PNKD: variants seen among roughly 807,000 people sequenced by gnomAD.
PNKD encodes probable thioesterase PNKD.
A neutral mutation model predicts 45.3 loss-of-function variants in PNKD; 36 were observed. That is an observed-to-expected ratio of 0.80 (90% confidence interval 0.61 to 1.05). The LOEUF (loss-of-function observed/expected upper bound fraction) is 1.05. PNKD is among the 50% of genes least tolerant of loss of function. The probability of loss-of-function intolerance (pLI) is 0.00; values close to 1 mark genes in which losing one functional copy is unlikely to be tolerated. For missense variants in PNKD, 511 were observed against 506.6 expected, an observed-to-expected ratio of 1.01 and a Z score of -0.08; for synonymous variants, 197 against 210.1, an observed-to-expected ratio of 0.94 and a Z score of 0.54.
chr2:218,300,604 G>A lies in PNKD; in HGVS notation c.236+29055G>A, dbSNP rs1328154942. On this transcript the variant is annotated intron_variant, in intron 2 of 9. Coordinates refer to ENST00000273077, the MANE Select transcript of PNKD (RefSeq NM_015488.5). The stretch of plus-strand genomic sequence containing the variant: ...TCTGTTGCCCAGGCTGGAGTGCAGT[G>A]GTGCGATCTCAGCTCACTGCAACCT... Among the ~76,000 whole-genome samples, 3 of 149,188 alleles carry A rather than the reference G, an allele frequency of 2.0e-5. No individual in the cohort carries two copies. The East Asian group carries it at 5.9e-4, about 29-fold the overall frequency.
intron 2 of PNKD, among the ~76,000 whole-genome samples, chr2:218,315,755 C>T (rs1468250363): frequency 2.0e-5 from 3 of 152,198 alleles, no homozygotes; most frequent in African/African-American, 7.2e-5. Context: ...CTGTGAGGCA[C>T]GAGTCTAAAT....
At chr2:218,291,221 C>G (rs1692906694) in intron 2 of PNKD, among the ~76,000 whole-genome samples, 1 of 152,186 alleles carries the variant, frequency 6.6e-6, no homozygotes, top group African/African-American at 2.4e-5. Flanking sequence ...GAGGTCATAG[C>G]ACAGAAAGAC....
intron 2 of PNKD, among the ~76,000 whole-genome samples, chr2:218,293,580 CTTTTTTTTTTT>C (rs34887009): frequency 1.0e-5 from 1 of 98,678 alleles, no homozygotes; most frequent in African/African-American, 3.8e-5. Context: ...ACTGAATGTC[CTTTTTTTTTTT>C]TTTTTTTTTT....
chr2:218,290,846 C>T (rs1041374294), intron 2 of PNKD, among the ~76,000 whole-genome samples: 4 of 152,246 alleles, frequency 2.6e-5, no homozygotes, highest in Non-Finnish European at 4.4e-5. Flanking sequence ...ATCCCTTCCA[C>T]TGTGTCCCCA....
intron 7 of PNKD, 152 bp downstream of exon 7, chr2:218,342,296 A>T: frequency 1.4e-6 from 1 of 700,932 alleles, no homozygotes; most frequent in South Asian, 1.7e-5. Flanking sequence ...ATTGGTTTTA[A>T]TCCTTGAGAC....
In PNKD at chr2:218,276,951, A is replaced by G. The variant is rs1405098852; in HGVS notation, c.236+5402A>G. 4 of 1,478,732 alleles carry G rather than the reference A, an allele frequency of 2.7e-6. No individual in the cohort carries two copies. In the East Asian group the frequency reaches 6.8e-5, roughly 25 times the overall value. 91.6% of individuals were successfully genotyped at this position (1,478,732 alleles called of 1,614,324 possible). The stretch of plus-strand genomic sequence containing the variant: ...GGCCTGCGAGACCATGCTATATAGG[A>G]AGTCTGCCCTGAGCACTGGGTTCCC... On this transcript the variant is annotated intron_variant, in intron 2 of 9. Transcript: ENST00000273077.
At chr2:218,300,036 A>G (rs2106251181) in intron 2 of PNKD, among the ~76,000 whole-genome samples, 1 of 151,722 alleles carries the variant, frequency 6.6e-6, no homozygotes, top group Non-Finnish European at 1.5e-5. Flanking sequence ...GGATTACTGG[A>G]GTGAGCCACC....
rs555464367 is a variant in PNKD at position 218,278,334 on chromosome 2, T to C, written c.236+6785T>C. On this transcript the variant is annotated intron_variant, in intron 2 of 9. Coordinates refer to ENST00000273077, the MANE Select transcript of PNKD (RefSeq NM_015488.5). ...GGTTACTATAAGAGTGACAGCTAGTTAGCTCCTAAACACACATGGTCCTTT... is the reference window on the plus strand; with the variant it reads ...GGTTACTATAAGAGTGACAGCTAGTCAGCTCCTAAACACACATGGTCCTTT... 2.2e-4 allele frequency: 145 copies of C among 654,560 alleles called. No homozygotes were observed. In the African/African-American group the frequency reaches 2.5e-3, roughly 11 times the overall value. The allele number at this position is 654,560 out of a possible 1,614,324, so 40.5% of individuals were successfully genotyped here.
intron 8 of PNKD, among the ~76,000 whole-genome samples, chr2:218,344,004 T>TATTC (rs376158568): frequency 0.013 from 1,997 of 152,256 alleles, 49 homozygotes; most frequent in African/African-American, 0.043. Flanking sequence ...TCAGAACATA[T>TATTC]ATTCATTCAT....
chr2:218,277,252 T>C, intron 2 of PNKD: 1 of 1,169,704 alleles, frequency 8.5e-7, no homozygotes, highest in Non-Finnish European at 1.3e-6. Flanking sequence ...GTTTTGTAGG[T>C]GCGGATGAGG....
At position 218,281,800 on chromosome 2, in the gene PNKD, CAG is replaced by C. The variant is rs537814073; in HGVS notation, c.236+10254_236+10255del. On this transcript the variant is annotated intron_variant, in intron 2 of 9. Coordinates refer to ENST00000273077, the MANE Select transcript of PNKD (RefSeq NM_015488.5). ...AAGTGGAGGGTAACAAAGACAGAAA[CAG>C]AGGGAGAGATCTCAACAGAGAAGAT... 8.7e-4 allele frequency: 677 copies of C among 777,406 alleles called. 1 individual carries two copies. Among genetic ancestry groups the C allele is most frequent in the Non-Finnish European group, 1.3e-3 (607 of 474,992 alleles). The allele number at this position is 777,406 out of a possible 1,614,324, so 48.2% of individuals were successfully genotyped here. A position where few individuals can be genotyped will look rare whatever the true frequency, so the allele number is the denominator to read the frequency against.
chr2:218,344,670 A>G lies in PNKD; in HGVS notation c.984+100A>G, dbSNP rs1350336. 1,388,781 of 1,390,726 alleles carry G rather than the reference A, an allele frequency of 1. 693,435 individuals carry two copies. The highest frequency in any genetic ancestry group is 1 in the East Asian group (43,780 of 43,780). 86.1% of individuals were successfully genotyped at this position (1,390,726 alleles called of 1,614,324 possible). ...CCAGGCCTGCGAGCACCTCCCCAAA[A>G]CTCTGACCTCTTTGGCCCATGGGCC... is the stretch of plus-strand genomic sequence containing the variant. On this transcript the variant is annotated intron_variant, in intron 9 of 9. Coordinates refer to ENST00000273077, the MANE Select transcript of PNKD (RefSeq NM_015488.5).
chr2:218,322,047 C>G (rs1265258486), intron 2 of PNKD, among the ~76,000 whole-genome samples: 1 of 151,224 alleles, frequency 6.6e-6, no homozygotes, highest in Non-Finnish European at 1.5e-5. Context: ...CTCAGCCTCC[C>G]GAGTAGCTAG....
Position 218,343,596 on chromosome 2 carries a change from C to G in PNKD, c.868+10C>G, listed in dbSNP as rs201666546. On this transcript the variant is annotated intron_variant, in intron 8 of 9. Transcript: ENST00000273077. ...ACCCTTCTGTGGCCTGGTGAGACAC[C>G]CCCTTACTACTCCCCATCCTCCAGC... 9 of 1,597,166 alleles carry G rather than the reference C, an allele frequency of 5.6e-6. No homozygotes were observed. The South Asian group carries it at 1.0e-4, about 18-fold the overall frequency.
chr2:218,280,049 C>T, intron 2 of PNKD: 1 of 1,614,176 alleles, frequency 6.2e-7, no homozygotes. Context: ...GTGTGTCGCA[C>T]TTTCCGGTCA....
intron 2 of PNKD, chr2:218,278,578 A>G: frequency 6.2e-7 from 1 of 1,614,160 alleles, no homozygotes; most frequent in Non-Finnish European, 8.5e-7. Flanking sequence ...AGGGACAAAG[A>G]GATGGGGAAG....
At position 218,323,373 on chromosome 2, in the gene PNKD, C is replaced by G. The variant is rs773129563; in HGVS notation, c.237-16410C>G. On this transcript the variant is annotated intron_variant, in intron 2 of 9. Transcript: ENST00000273077. ...TGTGAGCCCCCGCGGCTGCCGAGCG[C>G]GGCGGGGCCTCCGCGGTCTGCTCAT... The G allele has an allele frequency of 8.2e-6, 13 of 1,580,360 alleles. No individual in the cohort carries two copies. In the South Asian group the frequency reaches 1.5e-4, roughly 18 times the overall value.
intron 2 of PNKD, chr2:218,323,307 G>T (rs1427676070): frequency 6.4e-7 from 1 of 1,558,036 alleles, no homozygotes; most frequent in Admixed American, 1.9e-5. Context: ...GCAGTGGGTC[G>T]CCGGCTGCTG....
At position 218,319,300 on chromosome 2, in the gene PNKD, A is replaced by G. The variant is rs555039854; in HGVS notation, c.237-20483A>G. Reference sequence around the variant, plus strand: ...ACTTGGTGAGTTTTTCAATTTGCGTATGTCAGACTCTCAACCTCTGTACTG... The same window carrying G: ...ACTTGGTGAGTTTTTCAATTTGCGTGTGTCAGACTCTCAACCTCTGTACTG... On this transcript the variant is annotated intron_variant, in intron 2 of 9. Transcript: ENST00000273077. Among the ~76,000 whole-genome samples the G allele has an allele frequency of 1.7e-3, 244 of 146,028 alleles. 1 individual carries two copies. The highest frequency in any genetic ancestry group is 5.9e-3 in the African/African-American group (232 of 39,558).
Sources: gnomAD v4.1 joint callset for allele counts (sites outside exome capture counted in the v4.1 genomes callset) on GRCh38, gnomAD v4.1.1 for gene constraint, MANE v1.5 for transcripts, NCBI Gene and HGNC (gene_info 2026-07-23, HGNC 2026-07-21) for gene names.